BMP5: variants seen among roughly 807,000 people sequenced by gnomAD.
BMP5 encodes the protein bone morphogenetic protein 5.
A neutral mutation model predicts 46.6 loss-of-function variants in BMP5; 23 were observed. The ratio of observed to expected loss-of-function variants is 0.49; its 90% CI spans 0.35 to 0.70. BMP5 has a LOEUF of 0.70. Ranked by LOEUF, BMP5 falls within the 30% of genes least tolerant of loss-of-function variation. The probability of loss-of-function intolerance (pLI) is 0.00; values close to 1 mark genes in which losing one functional copy is unlikely to be tolerated. For missense variants in BMP5, 545 were observed against 565.6 expected, an observed-to-expected ratio of 0.96 and a Z score of 0.37; for synonymous variants, 204 against 191.9, an observed-to-expected ratio of 1.06 and a Z score of -0.52.
At chr6:55,837,361 A>AGATAGATAGAT (rs1554184989) in intron 1 of BMP5, among the ~76,000 whole-genome samples, 2 of 150,608 alleles carry the variant, frequency 1.3e-5, no homozygotes, top group African/African-American at 5.0e-5. Flanking sequence ...ATAGATAGAT[A>AGATAGATAGAT]GATAGATAGA....
chr6:55,807,718 A>G (rs1438665209), intron 2 of BMP5, among the ~76,000 whole-genome samples: 1 of 152,116 alleles, frequency 6.6e-6, no homozygotes, highest in African/African-American at 2.4e-5. Context: ...TAGGCTATTT[A>G]TTACTGGCTC....
intron 4 of BMP5, among the ~76,000 whole-genome samples, chr6:55,768,818 T>C (rs1051681518): frequency 6.6e-6 from 1 of 151,950 alleles, no homozygotes; most frequent in Non-Finnish European, 1.5e-5. Context: ...TGGGGAGATA[T>C]TGTGAATTTA....
chr6:55,836,072 C>T (rs993053388), intron 1 of BMP5, among the ~76,000 whole-genome samples: 4 of 151,952 alleles, frequency 2.6e-5, no homozygotes, highest in African/African-American at 9.7e-5. Context: ...TCAATTTTCC[C>T]AATCAAAAAA....
chr6:55,874,802 C>G lies in BMP5; in HGVS notation c.64G>C (p.Val22Leu). The change falls in exon 1 of 7, where the codon GTG becomes CTG. Residue 22 changes from valine to leucine, a missense_variant. Val to Leu is a conservative substitution (Grantham distance 32). Transcript: ENST00000370830. ...CCCAAACCTCCTTTTGCATAACCCA[C>G]TAGAACCCAGCAGCTCCAGAGGAAA... ...VGFLWSCWVL[V>L]GYAKGGLGDN... is the part of the protein sequence containing the mutation. 1 of 1,613,320 alleles carries G rather than the reference C, an allele frequency of 6.2e-7. No individual in the cohort carries two copies. Among genetic ancestry groups the G allele is most frequent in the African/African-American group, 1.3e-5 (1 of 74,880 alleles).
intron 3 of BMP5, among the ~76,000 whole-genome samples, chr6:55,792,248 ACC>A: frequency 6.6e-6 from 1 of 152,118 alleles, no homozygotes; most frequent in Non-Finnish European, 1.5e-5. Context: ...AAGATTTGAG[ACC>A]CTGCCGGGCG....
At chr6:55,848,726 T>C (rs563089950) in intron 1 of BMP5, among the ~76,000 whole-genome samples, 153 of 152,134 alleles carry the variant, frequency 1.0e-3, no homozygotes, top group Non-Finnish European at 1.8e-3. Flanking sequence ...CTTTAGTCTC[T>C]GTCAGCCCTA....
At position 55,819,667 on chromosome 6, in the gene BMP5, T is replaced by A; in HGVS notation, c.671A>T (p.Glu224Val). The A allele has an allele frequency of 1.2e-6, 2 of 1,610,846 alleles. No individual in the cohort carries two copies. The highest frequency in any genetic ancestry group is 2.2e-5 in the South Asian group (2 of 91,018). The change falls in exon 2 of 7, where the codon GAA (glutamate) becomes GTA (valine). Residue 224 changes from glutamate to valine, a missense_variant. By Grantham distance (121) the Glu-to-Val change is moderately radical. Coordinates refer to ENST00000370830, the MANE Select transcript of BMP5 (RefSeq NM_021073.4). ...AAAAAGATTATACCTATTTGTGTAT[T>A]CCTTGATGATTTGATATATGCTAAT... ...IKISIYQIIK[E>V]YTNRDADLFL...
chr6:55,844,871 C>T (rs6459109), intron 1 of BMP5, among the ~76,000 whole-genome samples: 10,926 of 151,768 alleles, frequency 0.072, 432 homozygotes, highest in Middle Eastern at 0.13. Flanking sequence ...TCCAAAAGAC[C>T]TAAATGTTTA....
chr6:55,820,318 G>A (rs1776377248), intron 1 of BMP5, among the ~76,000 whole-genome samples: 1 of 152,142 alleles, frequency 6.6e-6, no homozygotes, highest in Non-Finnish European at 1.5e-5. Context: ...CAAAGTTCAA[G>A]TAAATAAAGC....
intron 2 of BMP5, among the ~76,000 whole-genome samples, chr6:55,803,837 T>A (rs934450598): frequency 1.3e-5 from 2 of 152,230 alleles, no homozygotes; most frequent in Admixed American, 1.3e-4. Context: ...ACATGGTTTC[T>A]AATTTGTCCT....
intron 4 of BMP5, among the ~76,000 whole-genome samples, chr6:55,773,726 G>T (rs1016979525): frequency 6.6e-6 from 1 of 151,886 alleles, no homozygotes; most frequent in Admixed American, 6.6e-5. Flanking sequence ...TTTTTGAAAG[G>T]CCCTGAGGAA....
intron 2 of BMP5, among the ~76,000 whole-genome samples, chr6:55,798,930 G>A (rs1775779720): frequency 6.6e-6 from 1 of 152,082 alleles, no homozygotes; most frequent in African/African-American, 2.4e-5. Context: ...TAAACAGCAG[G>A]AACCAAAATT....
At chr6:55,759,165 AAAAAAAAAAAAAAAAAAAC>A (rs1774696187) in intron 5 of BMP5, 50 bp from the exon 6 acceptor site, 11 of 848,718 alleles carry the variant, frequency 1.3e-5, no homozygotes, top group African/African-American at 4.0e-5. Context: ...AAAAAAAAAA[AAAAAAAAAAAAAAAAAAAC>A]AACAAGAAAA....
At chr6:55,862,466 A>G (rs971242299) in intron 1 of BMP5, among the ~76,000 whole-genome samples, 1 of 152,200 alleles carries the variant, frequency 6.6e-6, no homozygotes, top group South Asian at 2.1e-4. Context: ...TTCAATGTAT[A>G]CAGTAGCAAA....
At chr6:55,833,476 A>C (rs568307130) in intron 1 of BMP5, among the ~76,000 whole-genome samples, 1 of 152,234 alleles carries the variant, frequency 6.6e-6, no homozygotes, top group Admixed American at 6.5e-5. Flanking sequence ...CAGTTATGAC[A>C]GGCTTTATTC....
At chr6:55,788,175 G>A (rs766143734) in intron 3 of BMP5, among the ~76,000 whole-genome samples, 10 of 151,684 alleles carry the variant, frequency 6.6e-5, no homozygotes, top group Non-Finnish European at 1.5e-4. Context: ...TTATGCTAAT[G>A]TTGGCCAGCC....
rs1001139801 is a variant in BMP5, at chr6:55,804,393, A to T, written c.684-9966T>A. On this transcript the variant is annotated intron_variant, in intron 2 of 6. Coordinates refer to ENST00000370830, the MANE Select transcript of BMP5 (RefSeq NM_021073.4). ...AAGATGAAAACGGGAAGGAAGCATC[A>T]TCCTCTAGAGGTTTTGGAGGGTGCG... Among the ~76,000 whole-genome samples the T allele has an allele frequency of 4.6e-5, 7 of 152,306 alleles. No individual in the cohort carries two copies. The East Asian group carries it at 1.4e-3, about 29-fold the overall frequency.
chr6:55,776,654 A>G (rs1420929170), intron 3 of BMP5, among the ~76,000 whole-genome samples: 1 of 151,764 alleles, frequency 6.6e-6, no homozygotes, highest in Non-Finnish European at 1.5e-5. Context: ...TGCAGAAATC[A>G]TTTTTAATGT....
chr6:55,833,527 C>T (rs1471129290), intron 1 of BMP5, among the ~76,000 whole-genome samples: 1 of 152,110 alleles, frequency 6.6e-6, no homozygotes, highest in Non-Finnish European at 1.5e-5. Context: ...CTTAAAATAA[C>T]TCTAGGAAGC....
Sources: gnomAD v4.1 joint callset for allele counts (sites outside exome capture counted in the v4.1 genomes callset) on GRCh38, gnomAD v4.1.1 for gene constraint, MANE v1.5 for transcripts, NCBI Gene and HGNC (gene_info 2026-07-23, HGNC 2026-07-21) for gene names.